The following OPCML variants were observed in gnomAD, a reference collection of about 807,000 sequenced individuals.
The protein encoded by OPCML is opioid-binding protein/cell adhesion molecule.
A neutral mutation model predicts 37.8 loss-of-function variants in OPCML; 13 were observed. The ratio of observed to expected loss-of-function variants is 0.34; its 90% CI spans 0.22 to 0.55. OPCML has a LOEUF of 0.55. OPCML is among the 20% of genes least tolerant of loss of function. The pLI is 0.91. For synonymous variants in OPCML, 176 were observed against 168.8 expected, an observed-to-expected ratio of 1.04 and a Z score of -0.33; for missense variants, 341 against 435.6, an observed-to-expected ratio of 0.78 and a Z score of 1.93.
chr11:132,661,109 T>C (rs1941957100), intron 2 of OPCML, among the ~76,000 whole-genome samples: 1 of 152,196 alleles, frequency 6.6e-6, no homozygotes, highest in African/African-American at 2.4e-5. Context: ...ACACTGTCAT[T>C]GCCCTAGCCA....
At chr11:133,019,606 T>C (rs1307070270) in intron 1 of OPCML, among the ~76,000 whole-genome samples, 1 of 152,208 alleles carries the variant, frequency 6.6e-6, no homozygotes, top group Non-Finnish European at 1.5e-5. Context: ...AAAGGAGCTA[T>C]TTTGTTTTGA....
chr11:133,147,539 T>C (rs1459491885), intron 1 of OPCML, among the ~76,000 whole-genome samples: 1 of 152,134 alleles, frequency 6.6e-6, no homozygotes, highest in Non-Finnish European at 1.5e-5. Context: ...AGCAAGCATG[T>C]GTGGGTTTAT....
chr11:132,486,223 A>C (rs2096199358), intron 4 of OPCML, among the ~76,000 whole-genome samples: 2 of 152,250 alleles, frequency 1.3e-5, no homozygotes, highest in South Asian at 4.2e-4. Flanking sequence ...GGGATTCTGC[A>C]GAGGGTTTCC....
At chr11:132,845,528 G>A (rs564042873) in intron 2 of OPCML, among the ~76,000 whole-genome samples, 93 of 152,280 alleles carry the variant, frequency 6.1e-4, no homozygotes, top group African/African-American at 2.2e-3. Context: ...CAGTAGCTAT[G>A]GGGAGGGATT....
intron 2 of OPCML, among the ~76,000 whole-genome samples, chr11:132,891,253 C>G (rs1943636521): frequency 6.6e-6 from 1 of 152,158 alleles, no homozygotes; most frequent in Non-Finnish European, 1.5e-5. Context: ...ATTTTTACAT[C>G]TTGGGCACAC....
At chr11:133,151,231 C>T (rs1949979562) in intron 1 of OPCML, among the ~76,000 whole-genome samples, 1 of 151,972 alleles carries the variant, frequency 6.6e-6, no homozygotes, top group Non-Finnish European at 1.5e-5. Flanking sequence ...TGAGATTATG[C>T]CACTGCACTC....
intron 3 of OPCML, among the ~76,000 whole-genome samples, chr11:132,535,884 G>A (rs1390229299): frequency 1.3e-5 from 2 of 152,144 alleles, no homozygotes; most frequent in African/African-American, 2.4e-5. Context: ...CCAAAAGTAG[G>A]TGCTTATTGA....
intron 4 of OPCML, among the ~76,000 whole-genome samples, chr11:132,437,824 T>G (rs1351918871): frequency 2.0e-5 from 3 of 152,384 alleles, no homozygotes; most frequent in Non-Finnish European, 4.4e-5. Flanking sequence ...TACAAACTAC[T>G]ACTTGTAGAA....
At chr11:133,433,310 A>T (rs1446235143) in intron 1 of OPCML, among the ~76,000 whole-genome samples, 3 of 151,424 alleles carry the variant, frequency 2.0e-5, no homozygotes, top group Non-Finnish European at 4.4e-5. Flanking sequence ...ATCCTAAATT[A>T]TATTCTGACA....
intron 3 of OPCML, among the ~76,000 whole-genome samples, chr11:132,614,151 A>G (rs1291048770): frequency 6.6e-6 from 1 of 151,658 alleles, no homozygotes; most frequent in Admixed American, 6.6e-5. Context: ...TCTTCAAAAG[A>G]CTCCCGGTTC....
intron 1 of OPCML, among the ~76,000 whole-genome samples, chr11:133,115,690 G>A (rs1447907589): frequency 2.6e-5 from 4 of 152,118 alleles, no homozygotes; most frequent in Admixed American, 6.5e-5. Flanking sequence ...AATTGTCACA[G>A]TGTCTCAGGA....
chr11:132,876,185 G>C (rs1943003103), intron 2 of OPCML, among the ~76,000 whole-genome samples: 1 of 152,144 alleles, frequency 6.6e-6, no homozygotes, highest in South Asian at 2.1e-4. Context: ...TAGAAGTCGG[G>C]AATCGATAGT....
At chr11:132,822,293 T>A (rs1940043455) in intron 2 of OPCML, among the ~76,000 whole-genome samples, 3 of 149,826 alleles carry the variant, frequency 2.0e-5, no homozygotes, top group South Asian at 4.2e-4. Context: ...GCCAGAGTCA[T>A]CAGTACTCTC....
intron 2 of OPCML, among the ~76,000 whole-genome samples, chr11:132,902,477 G>A (rs1237699734): frequency 1.3e-5 from 2 of 152,116 alleles, no homozygotes; most frequent in East Asian, 1.9e-4. Flanking sequence ...AGTGCACATT[G>A]CCCCAACCAA....
chr11:133,244,046 A>G (rs950392665), intron 1 of OPCML, among the ~76,000 whole-genome samples: 1 of 152,206 alleles, frequency 6.6e-6, no homozygotes, highest in Non-Finnish European at 1.5e-5. Flanking sequence ...CAGGGGTGAG[A>G]AGGCAGACTC....
chr11:132,525,147 T>A (rs2096304751), intron 4 of OPCML, among the ~76,000 whole-genome samples: 1 of 152,206 alleles, frequency 6.6e-6, no homozygotes, highest in Non-Finnish European at 1.5e-5. Context: ...ATCTGTCTAC[T>A]TTTTATATTT....
chr11:132,856,552 A>C (rs1942064991), intron 2 of OPCML, among the ~76,000 whole-genome samples: 1 of 152,202 alleles, frequency 6.6e-6, no homozygotes. Flanking sequence ...AAACAGCTGA[A>C]GCTGGTGATC....
intron 2 of OPCML, among the ~76,000 whole-genome samples, chr11:132,932,395 C>T (rs61909265): frequency 0.11 from 17,426 of 152,098 alleles, 1,055 homozygotes; most frequent in African/African-American, 0.14. Flanking sequence ...GAGGTGGTGG[C>T]TACATGGGTA....
chr11:133,080,811 C>A (rs1948703239), intron 1 of OPCML, among the ~76,000 whole-genome samples: 1 of 152,126 alleles, frequency 6.6e-6, no homozygotes, highest in Non-Finnish European at 1.5e-5. Context: ...TCTGTTTGTT[C>A]ACCTCTTCAT....
Sources: gnomAD v4.1 joint callset for allele counts (sites outside exome capture counted in the v4.1 genomes callset) on GRCh38, gnomAD v4.1.1 for gene constraint, MANE v1.5 for transcripts, NCBI Gene and HGNC (gene_info 2026-07-23, HGNC 2026-07-21) for gene names.